Variants in BTD observed in about 807,000 individuals in gnomAD.
BTD encodes biocytinase.
BTD carries 13 observed loss-of-function variants against 17.7 expected under a neutral mutation model. That is an observed-to-expected ratio of 0.74 (90% CI 0.48 to 1.17). The LOEUF is 1.17. Among genes scored for constraint, BTD ranks in the 50% most tolerant of loss-of-function variants. The pLI, the probability that BTD is intolerant of heterozygous loss-of-function variation, is 0.00. For synonymous variants in BTD, 240 were observed against 245.2 expected (o/e 0.98, Z 0.20); for missense variants, 674 against 650.4 (o/e 1.04, Z -0.39).
chr3:15,698,832 T>C (rs535737543), intron 3 of BTD, among the ~76,000 whole-genome samples: 2 of 152,296 alleles, frequency 1.3e-5, no homozygotes, highest in African/African-American at 4.8e-5. Flanking sequence ...ACTTTATAGA[T>C]TGAATGCCAT....
At chr3:15,706,141 G>A (rs935090796) in intron 3 of BTD, among the ~76,000 whole-genome samples, 2 of 151,634 alleles carry the variant, frequency 1.3e-5, no homozygotes, top group Non-Finnish European at 2.9e-5. Flanking sequence ...TGCACAATAT[G>A]CAGGTTTGGC....
At chr3:15,672,857 C>T (rs1217191591) in intron 3 of BTD, among the ~76,000 whole-genome samples, 1 of 152,210 alleles carries the variant, frequency 6.6e-6, no homozygotes, top group East Asian at 1.9e-4. Flanking sequence ...CTCACTGCAA[C>T]TTCTGCCTCC....
chr3:15,631,763 C>T (rs576319341), intron 1 of BTD, among the ~76,000 whole-genome samples: 4 of 152,312 alleles, frequency 2.6e-5, no homozygotes, highest in Non-Finnish European at 5.9e-5. Flanking sequence ...CAGATGCTTT[C>T]TATTGGCTTA....
At chr3:15,608,764 CAAA>C (rs895108669) in intron 1 of BTD, among the ~76,000 whole-genome samples, 7 of 66,880 alleles carry the variant, frequency 1.0e-4, no homozygotes, top group African/African-American at 2.3e-4. Flanking sequence ...GACTCCGTCT[CAAA>C]AAAAAAAAAA....
chr3:15,611,827 C>T (rs961299801), intron 1 of BTD, among the ~76,000 whole-genome samples: 25 of 150,808 alleles, frequency 1.7e-4, no homozygotes, highest in Middle Eastern at 3.5e-3. Flanking sequence ...GGAAACTACT[C>T]GTCTAAATTT....
upstream of BTD, chr3:15,601,479 T>C (rs2064238618): frequency 3.7e-6 from 6 of 1,611,582 alleles, no homozygotes; most frequent in Non-Finnish European, 5.1e-6. Context: ...ACCGAAAAGC[T>C]CTAAGCACTC....
At position 15,645,688 on chromosome 3, in the gene BTD, GAGACAT is replaced by G. The variant is rs2065678388; in HGVS notation, c.*201_*206del. ...GTCTTCCTCTTAAACCTCAATCATC[GAGACAT>G]TAGGGGGTATTTTCTGTTCACATTT... is the stretch of plus-strand genomic sequence containing the variant. On this transcript the variant is annotated 3_prime_UTR_variant, in exon 4 of 4. Transcript: ENST00000643237. 5.0e-6 allele frequency: 3 copies of G among 597,464 alleles called. No homozygotes were observed. Among genetic ancestry groups the G allele is most frequent in the Non-Finnish European group, 2.9e-6 (1 of 339,894 alleles). 37.0% of individuals were successfully genotyped at this position (597,464 alleles called of 1,614,324 possible).
At chr3:15,698,135 GGTCT>G (rs1235634857) in intron 3 of BTD, among the ~76,000 whole-genome samples, 2 of 151,586 alleles carry the variant, frequency 1.3e-5, no homozygotes, top group South Asian at 2.1e-4. Flanking sequence ...TCTTGCTAGC[GGTCT>G]GTCTGATTAT....
chr3:15,666,004 T>C (rs1013052924), intron 3 of BTD, among the ~76,000 whole-genome samples: 1 of 152,000 alleles, frequency 6.6e-6, no homozygotes, highest in East Asian at 1.9e-4. Flanking sequence ...CAACTTAGAT[T>C]TGGGGTGGTT....
intron 3 of BTD, chr3:15,675,810 T>TA (rs2066875676): frequency 8.6e-7 from 1 of 1,162,440 alleles, no homozygotes; most frequent in Non-Finnish European, 1.2e-6. Context: ...CTTTGACCAA[T>TA]AAAAAATATC....
Position 15,601,800 on chromosome 3 carries a change from C to G in BTD, c.-111C>G. ...GAAGCCGAACTCTGAGGCCTCTCGCCATTGTCTCCGAGTCGGCCAGCTGGA... is the reference window on the plus strand; with the variant it reads ...GAAGCCGAACTCTGAGGCCTCTCGCGATTGTCTCCGAGTCGGCCAGCTGGA... On this transcript the variant is annotated 5_prime_UTR_variant, in exon 1 of 4. Coordinates refer to ENST00000643237, the MANE Select transcript of BTD (RefSeq NM_001370658.1). 1 of 1,614,076 alleles carries G rather than the reference C, an allele frequency of 6.2e-7. No homozygotes were observed.
chr3:15,652,049 C>G lies in BTD; in HGVS notation c.*6561C>G, dbSNP rs1237168241. Among the ~76,000 whole-genome samples the G allele has an allele frequency of 2.0e-5, 3 of 152,234 alleles. No individual in the cohort carries two copies. Among genetic ancestry groups the G allele is most frequent in the African/African-American group, 4.8e-5 (2 of 41,458 alleles). ...ATTGGGTTATAAAAGGTACTGCAGA[C>G]CGGGCACGGTGGCTTACGCCTGTAA... On this transcript the variant is annotated 3_prime_UTR_variant, in exon 4 of 4. Coordinates refer to ENST00000643237, the MANE Select transcript of BTD (RefSeq NM_001370658.1).
Position 15,645,585 on chromosome 3 carries a change from G to T in BTD, c.*97G>T. 4 of 1,423,076 alleles carry T rather than the reference G, an allele frequency of 2.8e-6. 1 individual carries two copies. The South Asian group carries it at 4.9e-5, about 18-fold the overall frequency. 88.2% of individuals were successfully genotyped at this position (1,423,076 alleles called of 1,614,324 possible). ...CCCTGGGACCATCTTTCTGCCTTAA[G>T]GGCAGGAGCCCACTTCTGTGGCACC... On this transcript the variant is annotated 3_prime_UTR_variant, in exon 4 of 4. Transcript: ENST00000643237.
At chr3:15,633,508 C>T (rs535514740) in intron 1 of BTD, among the ~76,000 whole-genome samples, 41 of 152,300 alleles carry the variant, frequency 2.7e-4, no homozygotes, top group South Asian at 2.3e-3. Context: ...GCGGATTTTG[C>T]GGTTTCCTTG....
chr3:15,642,182 A>G (rs2065529598), intron 3 of BTD, 125 bp downstream of exon 3: 11 of 1,527,140 alleles, frequency 7.2e-6, no homozygotes, highest in Non-Finnish European at 8.8e-6. Context: ...ATCCAACCCA[A>G]ACTCCCAAAG....
intron 3 of BTD, among the ~76,000 whole-genome samples, chr3:15,681,603 A>G (rs1354264899): frequency 6.6e-6 from 1 of 152,178 alleles, no homozygotes; most frequent in East Asian, 1.9e-4. Flanking sequence ...AAGTGATGTT[A>G]TATTTTCTTT....
chr3:15,700,644 G>A (rs2070436471), intron 3 of BTD, among the ~76,000 whole-genome samples: 1 of 151,840 alleles, frequency 6.6e-6, no homozygotes, highest in Admixed American at 6.6e-5. Context: ...TGTGGTGGCG[G>A]GCGCCTGTAG....
At chr3:15,709,710 A>G in intron 3 of BTD, 1 of 1,581,740 alleles carries the variant, frequency 6.3e-7, no homozygotes, top group Non-Finnish European at 8.6e-7. Flanking sequence ...ACCAGTATTC[A>G]GCAGAAGGTT....
At chr3:15,602,214 G>C (rs2064282590) in intron 1 of BTD, 3 of 1,364,172 alleles carry the variant, frequency 2.2e-6, no homozygotes, top group Admixed American at 3.1e-5. Context: ...ATGACGCTCA[G>C]AGTCAGTAGA....
Sources: allele counts gnomAD v4.1 joint callset (sites outside exome capture counted in the v4.1 genomes callset), GRCh38; gene constraint gnomAD v4.1.1; transcripts MANE v1.5; gene names NCBI Gene and HGNC (gene_info 2026-07-23, HGNC 2026-07-21).